Variants in KAZN observed in about 807,000 individuals in gnomAD.
KAZN encodes kazrin.
A neutral mutation model predicts 87.4 loss-of-function variants in KAZN; 40 were observed. That is an observed-to-expected ratio of 0.46 (90% confidence interval 0.36 to 0.60). The LOEUF (loss-of-function observed/expected upper bound fraction) is 0.60. Ranked by LOEUF, KAZN falls within the 20% of genes least tolerant of loss-of-function variation. The probability of loss-of-function intolerance (pLI) is 0.00; values close to 1 mark genes in which losing one functional copy is unlikely to be tolerated. For synonymous variants in KAZN, 466 were observed against 458.3 expected (o/e 1.02, Z -0.22); for missense variants, 898 against 1,073.9 (o/e 0.84, Z 2.29).
At chr1:14,242,358 G>T (rs370337206) in intron 2 of KAZN, among the ~76,000 whole-genome samples, 3 of 152,126 alleles carry the variant, frequency 2.0e-5, no homozygotes, top group Admixed American at 1.3e-4. Flanking sequence ...AGGTTTCCTT[G>T]GGGGGAAGCC....
chr1:13,971,438 A>G (rs1303185245), intron 1 of KAZN, among the ~76,000 whole-genome samples: 2 of 152,306 alleles, frequency 1.3e-5, no homozygotes, highest in Non-Finnish European at 1.5e-5. Context: ...CACTAATACT[A>G]TCAATCTACC....
intron 2 of KAZN, among the ~76,000 whole-genome samples, chr1:14,530,140 C>G (rs553648369): frequency 1.8e-4 from 27 of 152,286 alleles, no homozygotes; most frequent in African/African-American, 6.0e-4. Flanking sequence ...AGGCAGAGGA[C>G]AGTAGAGAGA....
At chr1:14,242,598 T>C (rs116433827) in intron 2 of KAZN, among the ~76,000 whole-genome samples, 3,160 of 152,280 alleles carry the variant, frequency 0.021, 113 homozygotes, top group African/African-American at 0.071. Flanking sequence ...AAAGAAAGAC[T>C]AGAGAATAAA....
chr1:14,723,477 A>G (rs1272549168), intron 1 of KAZN, among the ~76,000 whole-genome samples: 4 of 152,170 alleles, frequency 2.6e-5, no homozygotes, highest in Non-Finnish European at 5.9e-5. Context: ...CCTCATCGAG[A>G]CTCATGAGTT....
intron 2 of KAZN, among the ~76,000 whole-genome samples, chr1:14,338,944 C>A (rs747030089): frequency 2.0e-5 from 3 of 152,162 alleles, no homozygotes; most frequent in Non-Finnish European, 4.4e-5. Context: ...GGACACCCAC[C>A]TAATTGGGCA....
At position 15,099,752 on chromosome 1, in the gene KAZN, C is replaced by G. The variant is rs6703533; in HGVS notation, c.1548-1791C>G. Among the ~76,000 whole-genome samples the G allele has an allele frequency of 6.6e-6, 1 of 152,136 alleles. No individual in the cohort carries two copies. Among genetic ancestry groups the G allele is most frequent in the Admixed American group, 6.5e-5 (1 of 15,272 alleles). ...TCACACTGACATTTTAAAAGGACCCCCTGGTGGTCCTGGGGGATGCGGAAT... is the reference window on the plus strand; with the variant it reads ...TCACACTGACATTTTAAAAGGACCCGCTGGTGGTCCTGGGGGATGCGGAAT... On this transcript the variant is annotated intron_variant, in intron 10 of 14. Transcript: ENST00000376030. This position sits in a 1 kb window ranked among gnomAD's most constrained non-coding sequence, Gnocchi z 5.4.
At chr1:14,302,269 A>C (rs528457463) in intron 2 of KAZN, among the ~76,000 whole-genome samples, 22 of 152,364 alleles carry the variant, frequency 1.4e-4, no homozygotes, top group Admixed American at 3.9e-4. Context: ...GAGAACAGAC[A>C]GATCTATAAT....
At chr1:14,960,902 T>C in intron 2 of KAZN, 27 bp downstream of exon 2, 2 of 1,584,706 alleles carry the variant, frequency 1.3e-6, no homozygotes, top group Non-Finnish European at 1.7e-6. Flanking sequence ...CAGCAGTTCC[T>C]TCGCTGGGAG....
intron 1 of KAZN, among the ~76,000 whole-genome samples, chr1:14,901,491 G>C (rs1036052568): frequency 2.0e-5 from 3 of 152,104 alleles, no homozygotes; most frequent in Non-Finnish European, 2.9e-5. Context: ...CACATGGTCT[G>C]AGTGCTGATA....
At chr1:14,954,378 A>G (rs1288768770) in intron 1 of KAZN, among the ~76,000 whole-genome samples, 1 of 152,246 alleles carries the variant, frequency 6.6e-6, no homozygotes, top group East Asian at 1.9e-4. Context: ...GGCAAAGGCC[A>G]AGAAAGTTTT....
At chr1:14,967,053 T>A (rs759210538) in intron 2 of KAZN, among the ~76,000 whole-genome samples, 3 of 152,168 alleles carry the variant, frequency 2.0e-5, no homozygotes, top group Non-Finnish European at 4.4e-5. Flanking sequence ...GGACACCTGA[T>A]GTTGAGGCTT....
At chr1:15,002,458 G>T (rs1471301299) in intron 2 of KAZN, among the ~76,000 whole-genome samples, 2 of 152,172 alleles carry the variant, frequency 1.3e-5, no homozygotes, top group Non-Finnish European at 2.9e-5. Flanking sequence ...AGAGAGGACA[G>T]CATTGTGGTT....
intron 1 of KAZN, among the ~76,000 whole-genome samples, chr1:14,917,905 G>A (rs1456005850): frequency 1.3e-5 from 2 of 149,690 alleles, no homozygotes; most frequent in Admixed American, 1.3e-4. Flanking sequence ...TTGAGATGGA[G>A]TCTTGCTCTG....
chr1:14,966,272 G>GC (rs1486470711), intron 2 of KAZN, among the ~76,000 whole-genome samples: 1 of 151,946 alleles, frequency 6.6e-6, no homozygotes, highest in East Asian at 1.9e-4. Flanking sequence ...GAGACACCTT[G>GC]CCCCACCAAT....
Position 14,048,657 on chromosome 1 carries a change from G to A in KAZN, c.92-131778G>A, listed in dbSNP as rs1353856220. 3.9e-5 allele frequency among the ~76,000 whole-genome samples: 6 copies of A among 152,058 alleles called. No individual in the cohort carries two copies. The East Asian group carries it at 9.7e-4, about 24-fold the overall frequency. ...GACCTTAGGTGATCCCACCCACCTC[G>A]GCCTCTCAAAGTGCTGGGATTACAG... is the stretch of plus-strand genomic sequence containing the variant. On this transcript the variant is annotated intron_variant, in intron 1 of 16. Coordinates refer to the KAZN transcript ENST00000636203.
At chr1:14,601,645 G>C (rs1444168554) in intron 1 of KAZN, among the ~76,000 whole-genome samples, 1 of 152,116 alleles carries the variant, frequency 6.6e-6, no homozygotes, top group Non-Finnish European at 1.5e-5. Flanking sequence ...TTGATTCTTC[G>C]TAATACACCT....
chr1:14,685,544 C>T (rs539431579), intron 1 of KAZN, among the ~76,000 whole-genome samples: 5 of 152,314 alleles, frequency 3.3e-5, no homozygotes, highest in South Asian at 4.1e-4. Context: ...ATGCTCTTGG[C>T]GGCATTCGGC....
chr1:14,760,085 G>C (rs751576054), intron 1 of KAZN, among the ~76,000 whole-genome samples: 27 of 152,056 alleles, frequency 1.8e-4, no homozygotes, highest in Non-Finnish European at 3.7e-4. Context: ...ATTCCAGGTG[G>C]GTGTAACTTA....
chr1:14,032,711 C>T (rs1641379774), intron 1 of KAZN, among the ~76,000 whole-genome samples: 1 of 152,188 alleles, frequency 6.6e-6, no homozygotes, highest in African/African-American at 2.4e-5. Flanking sequence ...TCAATGCCTT[C>T]AAGGGTGTAT....
Sources: gnomAD v4.1 joint callset for allele counts (sites outside exome capture counted in the v4.1 genomes callset) on GRCh38, gnomAD v4.1.1 for gene constraint, Gnocchi (gnomAD v3.1) non-coding constraint, MANE v1.5 for transcripts, NCBI Gene and HGNC (gene_info 2026-07-23, HGNC 2026-07-21) for gene names.